PRX: variants seen among roughly 807,000 people sequenced by gnomAD.
PRX encodes the protein periaxin.
A neutral mutation model predicts 29.6 loss-of-function variants in PRX; 24 were observed. That is an observed-to-expected ratio of 0.81 (90% CI 0.59 to 1.14). The LOEUF (loss-of-function observed/expected upper bound fraction) is 1.14. Ranked by LOEUF, PRX falls within the 50% of genes most tolerant of loss-of-function variation. The pLI, the probability that PRX is intolerant of heterozygous loss-of-function variation, is 0.00. For synonymous variants in PRX, 772 were observed against 831.7 expected (o/e 0.93, Z 1.24); for missense variants, 1,838 against 1,926.4 (o/e 0.95, Z 0.86).
In PRX at chr19:40,397,835, C is replaced by G; in HGVS notation, c.517G>C (p.Glu173Gln). 6.3e-7 allele frequency: 1 copy of G among 1,596,938 alleles called. No individual in the cohort carries two copies. The change falls in exon 7 of 7, where the codon GAG becomes CAG. Residue 173 changes from glutamate (E) to glutamine (Q), a missense_variant. This residue lies in a region of PRX where 666 missense variants were observed against 665.0 expected (regional missense o/e 1.00). Coordinates refer to ENST00000324001, the MANE Select transcript of PRX (RefSeq NM_181882.3). ...GCCGGGACAGGACCCTTGACAGCCT[C>G]GGCTTTGAGGCCCCGACGCAGGCGG... The part of the protein sequence containing the change: ...FSRLRRGLKA[E>Q]AVKGPVPAAP...
At chr19:40,402,998 C>T (rs1350560014) in intron 5 of PRX, among the ~76,000 whole-genome samples, 5 of 151,874 alleles carry the variant, frequency 3.3e-5, no homozygotes, top group African/African-American at 9.7e-5. Flanking sequence ...AGTGAAACCC[C>T]GTCTCTACTA....
chr19:40,397,133 C>A lies in PRX; in HGVS notation c.1219G>T (p.Ala407Ser), dbSNP rs752941494. Residue 407 changes from alanine (A) to serine (S), a missense_variant, in exon 7 of 7, where the codon GCT (alanine) becomes TCT (serine). Transcript: ENST00000324001. ...GLSLLEPRPA[A>S]PEVVESKLKL... The stretch of plus-strand genomic sequence containing the variant: ...AGCTTGCTCTCTACAACTTCAGGAG[C>A]AGCGGGCCGGGGCTCCAAGAGGGAA... The A allele has an allele frequency of 5.0e-6, 8 of 1,614,054 alleles. No homozygotes were observed. In the Admixed American group the frequency reaches 1.3e-4, roughly 27 times the overall value.
chr19:40,403,891 G>C (rs747521083), intron 4 of PRX, 29 bp from the exon 5 acceptor site: 2 of 1,599,098 alleles, frequency 1.3e-6, no homozygotes, highest in South Asian at 1.1e-5. Flanking sequence ...TGTCGCGTTG[G>C]GGCTCTAGGG....
In PRX at chr19:40,398,642, G is replaced by A. The variant is rs772944146; in HGVS notation, c.359C>T (p.Pro120Leu). Residue 120 changes from proline (P) to leucine (L), a missense_variant, in exon 6 of 7, where the codon CCG (proline) becomes CTG (leucine). Physicochemically the swap from Pro to Leu is moderately conservative, Grantham distance 98. Coordinates refer to ENST00000324001, the MANE Select transcript of PRX (RefSeq NM_181882.3). The surrounding 1 kb of genome is among the most constrained non-coding windows in gnomAD (Gnocchi z 6.3). ...TACCAGCTTGGCCACCTTGGCCCGCGGGCCCTTGATCTCGTAGCCAGACAC... is the reference window on the plus strand; with the variant it reads ...TACCAGCTTGGCCACCTTGGCCCGCAGGCCCTTGATCTCGTAGCCAGACAC... ...GTVSGYEIKGPRAKVAKLNIQ... is the reference protein window; with the variant it reads ...GTVSGYEIKGLRAKVAKLNIQ... 6.2e-7 allele frequency: 1 copy of A among 1,613,732 alleles called. No individual in the cohort carries two copies. Among genetic ancestry groups the A allele is most frequent in the Admixed American group, 1.7e-5 (1 of 60,006 alleles).
chr19:40,402,166 C>T (rs1187749825), intron 5 of PRX, among the ~76,000 whole-genome samples: 3 of 151,674 alleles, frequency 2.0e-5, no homozygotes, highest in African/African-American at 7.3e-5. Flanking sequence ...TCCTGGCTAA[C>T]ACGGTGAAAC....
At position 40,396,768 on chromosome 19, in the gene PRX, C is replaced by A; in HGVS notation, c.1584G>T (p.Met528Ile). The A allele has an allele frequency of 6.2e-7, 1 of 1,611,220 alleles. No individual in the cohort carries two copies. Among genetic ancestry groups the A allele is most frequent in the Non-Finnish European group, 8.5e-7 (1 of 1,178,708 alleles). Residue 528 changes from methionine (M) to isoleucine (I), a missense_variant, in exon 7 of 7, where the codon ATG becomes ATT. Transcript: ENST00000324001. ...PEVQLLKVSEMKLPKVPEMAV... is the reference protein window; with the variant it reads ...PEVQLLKVSEIKLPKVPEMAV... ...CCATCTCTGGCACCTTTGGGAGTTT[C>A]ATCTCCGACACTTTCAGCAGCTGTA... is the stretch of plus-strand genomic sequence containing the variant.
chr19:40,400,141 C>T (rs543321382), intron 5 of PRX, among the ~76,000 whole-genome samples: 9 of 151,348 alleles, frequency 5.9e-5, no homozygotes, highest in African/African-American at 1.7e-4. Context: ...CACCACCACA[C>T]CCAGCTAATT....
Position 40,403,808 on chromosome 19 carries a change from C to G in PRX, c.82G>C (p.Gly28Arg). Residue 28 changes from glycine (G) to arginine (R), a missense_variant, in exon 5 of 7, where the codon GGG becomes CGG. Around this residue, in one of 3 missense-constraint regions of PRX, gnomAD observed 666 missense variants for 665.0 expected, o/e 1.00. Transcript: ENST00000324001. ...CCCGCTACGTTGATGCCGCTGACCC[C>G]GGTCTGCGCCTCCGTCTCCACGATA... ...EIIVETEAQT[G>R]VSGINVAGGG... The G allele has an allele frequency of 6.2e-7, 1 of 1,608,818 alleles. No homozygotes were observed. Among genetic ancestry groups the G allele is most frequent in the South Asian group, 1.1e-5 (1 of 90,400 alleles).
At chr19:40,402,599 G>A (rs1211962699) in intron 5 of PRX, among the ~76,000 whole-genome samples, 3 of 150,380 alleles carry the variant, frequency 2.0e-5, no homozygotes, top group South Asian at 4.2e-4. Context: ...GTGAAACCTC[G>A]TCTCTACTAA....
Position 40,398,041 on chromosome 19 carries a change from C to G in PRX, c.382-71G>C, listed in dbSNP as rs994098248. On this transcript the variant is annotated intron_variant, in intron 6 of 6. Transcript: ENST00000324001. This position sits in a 1 kb window ranked among gnomAD's most constrained non-coding sequence, Gnocchi z 6.3. ...CTGGGAGTGGACAGGAAGAGCCCCA[C>G]CTGGTATTGGACCAGGCGGGGGATG... The G allele has an allele frequency of 9.2e-5, 142 of 1,538,936 alleles. No homozygotes were observed. The highest frequency in any genetic ancestry group is 1.1e-4 in the Non-Finnish European group (130 of 1,142,194).
rs746077240 is a variant in PRX, at chr19:40,397,770, A to G, written c.582T>C (p.Arg194=). 3.7e-5 allele frequency: 58 copies of G among 1,567,766 alleles called. 2 individuals are homozygous for G. The South Asian group carries it at 6.8e-4, about 18-fold the overall frequency. Residue 194 remains arginine, a synonymous_variant, in exon 7 of 7, where the codon CGT becomes CGC. Transcript: ENST00000324001. ...ARRRLQLPRL[R]VREVAEEAQA... is the part of the protein sequence containing the mutation. ...GAGCCTCTTCGGCCACTTCTCGTAC[A>G]CGCAGCCGAGGCAGCTGGAGGCGCC...
rs768186656 is a variant in PRX at position 40,397,150 on chromosome 19, A to G, written c.1202T>C (p.Leu401Ser). The change falls in exon 7 of 7, where the codon TTG becomes TCG. Residue 401 changes from leucine (L) to serine (S), a missense_variant. Physicochemically the swap from Leu to Ser is moderately radical, Grantham distance 145. Around this residue, in one of 3 missense-constraint regions of PRX, gnomAD observed 666 missense variants for 665.0 expected, o/e 1.00. Transcript: ENST00000324001. ...TTCAGGAGCAGCGGGCCGGGGCTCC[A>G]AGAGGGAAAGCCCAAAGGTGGGCAT... ...LRMPTFGLSLLEPRPAAPEVV... is the reference protein window; with the variant it reads ...LRMPTFGLSLSEPRPAAPEVV... 1 of 1,613,748 alleles carries G rather than the reference A, an allele frequency of 6.2e-7. No homozygotes were observed.
chr19:40,407,065 C>T (rs972611108), intron 4 of PRX, among the ~76,000 whole-genome samples: 4 of 151,878 alleles, frequency 2.6e-5, no homozygotes, highest in African/African-American at 7.3e-5. Context: ...TGAGCCACTG[C>T]GCCCAGCCCC....
chr19:40,406,771 CTTTTTT>C (rs59493934), intron 4 of PRX, among the ~76,000 whole-genome samples: 1 of 121,368 alleles, frequency 8.2e-6, no homozygotes. Flanking sequence ...ACCTCCATTT[CTTTTTT>C]TTTTTTTTTT....
chr19:40,393,904 C>A lies in PRX; in HGVS notation c.*62G>T. On this transcript the variant is annotated 3_prime_UTR_variant, in exon 7 of 7. Coordinates refer to ENST00000324001, the MANE Select transcript of PRX (RefSeq NM_181882.3). ...CTTAGGGTTAGTGCTAGTTATCACACACACAACAGCGAGGGGGTAGAGAAA... is the reference window on the plus strand; with the variant it reads ...CTTAGGGTTAGTGCTAGTTATCACAAACACAACAGCGAGGGGGTAGAGAAA... 3.8e-6 allele frequency: 6 copies of A among 1,599,460 alleles called. No homozygotes were observed. The highest frequency in any genetic ancestry group is 5.1e-6 in the Non-Finnish European group (6 of 1,179,326).
At chr19:40,408,106 C>G in intron 3 of PRX, 52 bp downstream of exon 3, 1 of 834,514 alleles carries the variant, frequency 1.2e-6, no homozygotes, top group South Asian at 1.5e-5. Flanking sequence ...AGGGAGAAAG[C>G]AGGGTGGGTA....
chr19:40,398,845 G>A lies in PRX; in HGVS notation c.185-29C>T, dbSNP rs374334386. The A allele has an allele frequency of 1.9e-6, 3 of 1,613,636 alleles. No individual in the cohort carries two copies. The highest frequency in any genetic ancestry group is 2.7e-5 in the African/African-American group (2 of 74,920). On this transcript the variant is annotated intron_variant, in intron 5 of 6. Coordinates refer to ENST00000324001, the MANE Select transcript of PRX (RefSeq NM_181882.3). The surrounding 1 kb of genome is among the most constrained non-coding windows in gnomAD (Gnocchi z 6.3). ...CGGGCGAGGTGGAGGTGCGCAGCAC[G>A]TGGGCATCTCCCGGCTCCGCCCGGG... is the stretch of plus-strand genomic sequence containing the variant.
chr19:40,409,454 T>C (rs1315606609), intron 1 of PRX, among the ~76,000 whole-genome samples: 8 of 135,372 alleles, frequency 5.9e-5, no homozygotes, highest in African/African-American at 2.1e-4. Flanking sequence ...ATACTTGCTA[T>C]TATTATTATT....
At position 40,395,339 on chromosome 19, in the gene PRX, C is replaced by A. The variant is rs752638036; in HGVS notation, c.3013G>T (p.Gly1005Cys). The change falls in exon 7 of 7, where the codon GGC (glycine) becomes TGC (cysteine). Residue 1005 changes from glycine (G) to cysteine (C), a missense_variant. Around this residue, in one of 3 missense-constraint regions of PRX, gnomAD observed 1,143 missense variants for 1,193.0 expected, o/e 0.96. Coordinates refer to ENST00000324001, the MANE Select transcript of PRX (RefSeq NM_181882.3). ...TCGGCCCCTGCCACCTCTACCTTGCCTGAGGGCAGGTGGGCATCCAGGCTG... is the reference window on the plus strand; with the variant it reads ...TCGGCCCCTGCCACCTCTACCTTGCATGAGGGCAGGTGGGCATCCAGGCTG... ...QLSLDAHLPS[G>C]KVEVAGADLK... 5.0e-6 allele frequency: 8 copies of A among 1,613,746 alleles called. No homozygotes were observed. The highest frequency in any genetic ancestry group is 6.8e-6 in the Non-Finnish European group (8 of 1,180,032).
Sources: gnomAD v4.1 joint callset for allele counts (sites outside exome capture counted in the v4.1 genomes callset) on GRCh38, gnomAD v4.1.1 for gene constraint, gnomAD v4.1.1 regional missense constraint, Gnocchi (gnomAD v3.1) non-coding constraint, MANE v1.5 for transcripts, NCBI Gene and HGNC (gene_info 2026-07-23, HGNC 2026-07-21) for gene names.